Variants in ARL15 observed in about 807,000 individuals in gnomAD.
ARL15 encodes ADP-ribosylation factor-like protein 15.
In ARL15, 19 loss-of-function variants were observed where a neutral mutation model predicts 25.2. The observed-to-expected ratio is 0.75, with a 90% CI of 0.53 to 1.10. The LOEUF is 1.10. ARL15 is among the 50% of genes least tolerant of loss of function. The pLI is 0.00. For missense variants in ARL15, 220 were observed against 246.0 expected (o/e 0.89, Z 0.71); for synonymous variants, 94 against 86.8 (o/e 1.08, Z -0.46).
intron 4 of ARL15, among the ~76,000 whole-genome samples, chr5:54,052,445 C>A (rs1385198892): frequency 2.0e-5 from 3 of 152,020 alleles, no homozygotes; most frequent in African/African-American, 7.2e-5. Context: ...GTCTGTAAGA[C>A]TAAAGGTAAA....
chr5:54,042,120 G>A (rs1472676215), intron 4 of ARL15, among the ~76,000 whole-genome samples: 1 of 151,986 alleles, frequency 6.6e-6, no homozygotes, highest in Non-Finnish European at 1.5e-5. Context: ...ACAGGCAAGC[G>A]CCACCACGCC....
chr5:54,052,142 A>G (rs1750721830), intron 4 of ARL15, among the ~76,000 whole-genome samples: 1 of 152,166 alleles, frequency 6.6e-6, no homozygotes, highest in Admixed American at 6.5e-5. Flanking sequence ...AGAGACAAAT[A>G]TGTAAAACAT....
At chr5:53,964,261 T>C (rs1030216703) in intron 4 of ARL15, among the ~76,000 whole-genome samples, 21 of 152,244 alleles carry the variant, frequency 1.4e-4, no homozygotes, top group African/African-American at 3.6e-4. Flanking sequence ...TGTAAAGTCA[T>C]TTCACTTTCT....
At chr5:54,296,016 C>T (rs541619376) in intron 1 of ARL15, among the ~76,000 whole-genome samples, 2 of 152,266 alleles carry the variant, frequency 1.3e-5, no homozygotes, top group South Asian at 2.1e-4. Flanking sequence ...CTCGTGTGGC[C>T]GAACTTAGGT....
chr5:54,264,074 C>A (rs1757563455), intron 1 of ARL15, among the ~76,000 whole-genome samples: 1 of 152,122 alleles, frequency 6.6e-6, no homozygotes. Context: ...ATTCCCTGTA[C>A]CATTAGGGAC....
At chr5:54,308,919 C>T (rs999867432) in intron 1 of ARL15, among the ~76,000 whole-genome samples, 3 of 152,188 alleles carry the variant, frequency 2.0e-5, no homozygotes, top group African/African-American at 7.2e-5. Flanking sequence ...GTCACCCTTT[C>T]CTACTTGGTA....
chr5:54,122,092 T>C (rs1753098295), intron 3 of ARL15, among the ~76,000 whole-genome samples: 2 of 152,192 alleles, frequency 1.3e-5, no homozygotes, highest in African/African-American at 4.8e-5. Context: ...AGAAAACCAA[T>C]GTTATAAAAA....
chr5:54,216,676 A>G (rs2112520584), intron 1 of ARL15, among the ~76,000 whole-genome samples: 1 of 152,282 alleles, frequency 6.6e-6, no homozygotes, highest in East Asian at 1.9e-4. Context: ...CCCAAAATGT[A>G]CTAATCATTC....
At chr5:53,913,573 C>G (rs1339875331) in intron 4 of ARL15, among the ~76,000 whole-genome samples, 2 of 152,186 alleles carry the variant, frequency 1.3e-5, no homozygotes. Context: ...CTTGACTGCT[C>G]TAGGCCATAG....
At chr5:53,981,472 T>G (rs1179474856) in intron 4 of ARL15, among the ~76,000 whole-genome samples, 1 of 152,212 alleles carries the variant, frequency 6.6e-6, no homozygotes, top group Non-Finnish European at 1.5e-5. Flanking sequence ...GAACACAGTC[T>G]GCAAGCAACT....
intron 4 of ARL15, among the ~76,000 whole-genome samples, chr5:54,069,929 C>T (rs1025828531): frequency 6.6e-6 from 1 of 151,110 alleles, no homozygotes; most frequent in East Asian, 2.0e-4. Context: ...CCCACCTCGG[C>T]CTCCCAAAGT....
chr5:53,991,415 G>A (rs547107476), intron 4 of ARL15, among the ~76,000 whole-genome samples: 5 of 151,896 alleles, frequency 3.3e-5, no homozygotes, highest in East Asian at 1.9e-4. Flanking sequence ...GGTTGCATGC[G>A]CCTGTAATCC....
chr5:54,093,682 A>G (rs1047987971), intron 4 of ARL15, among the ~76,000 whole-genome samples: 1 of 131,992 alleles, frequency 7.6e-6, no homozygotes, highest in Admixed American at 8.0e-5. Context: ...TAATATAAAC[A>G]TTTAAAGTTA....
intron 4 of ARL15, among the ~76,000 whole-genome samples, chr5:54,082,658 T>C (rs1232835690): frequency 2.6e-5 from 4 of 152,186 alleles, no homozygotes; most frequent in African/African-American, 4.8e-5. Context: ...GGCTCTCCTT[T>C]TTTTCTGTGT....
chr5:54,282,162 C>A (rs190385268), intron 1 of ARL15: 17 of 718,892 alleles, frequency 2.4e-5, no homozygotes, highest in Non-Finnish European at 2.7e-5. Flanking sequence ...TATATTTATA[C>A]CCCCATCAGC....
chr5:54,041,302 G>A (rs1007213868), intron 4 of ARL15, among the ~76,000 whole-genome samples: 24 of 152,196 alleles, frequency 1.6e-4, no homozygotes, highest in Admixed American at 1.1e-3. Context: ...TCCAAAGGCT[G>A]TTTAATATGC....
chr5:54,115,618 G>T (rs928740327), intron 3 of ARL15, among the ~76,000 whole-genome samples: 2 of 152,064 alleles, frequency 1.3e-5, no homozygotes, highest in Non-Finnish European at 1.5e-5. Flanking sequence ...CTAATTTTCA[G>T]GTCCTAAAAT....
At chr5:54,198,478 C>A (rs1235751152) in intron 1 of ARL15, among the ~76,000 whole-genome samples, 1 of 149,358 alleles carries the variant, frequency 6.7e-6, no homozygotes, top group Non-Finnish European at 1.5e-5. Context: ...GTACAAAAAT[C>A]ACAAGCATTC....
At chr5:54,208,983 AATG>A (rs1360128101) in intron 1 of ARL15, among the ~76,000 whole-genome samples, 8 of 152,244 alleles carry the variant, frequency 5.3e-5, no homozygotes, top group Non-Finnish European at 1.2e-4. Context: ...ATATTGACTG[AATG>A]ATGAGGACGT....
Sources: gnomAD v4.1 joint callset for allele counts (sites outside exome capture counted in the v4.1 genomes callset) on GRCh38, gnomAD v4.1.1 for gene constraint, MANE v1.5 for transcripts, NCBI Gene and HGNC (gene_info 2026-07-23, HGNC 2026-07-21) for gene names.